TRPM4: variants seen among roughly 807,000 people sequenced by gnomAD.
TRPM4 encodes transient receptor potential cation channel subfamily M member 4, also known as calcium-activated non-selective cation channel 1.
Under a neutral mutation model 135.6 loss-of-function variants are expected in TRPM4, and 124 were observed. The observed-to-expected ratio is 0.91, with a 90% CI of 0.79 to 1.06. The LOEUF (loss-of-function observed/expected upper bound fraction) is 1.06, where lower values mean the gene tolerates loss of function less well. Among genes scored for constraint, TRPM4 ranks in the 50% least tolerant of loss-of-function variants. TRPM4 has a pLI of 0.00. For synonymous variants in TRPM4, 745 were observed against 705.6 expected, an observed-to-expected ratio of 1.06 and a Z score of -0.88; for missense variants, 1,658 against 1,671.4, an observed-to-expected ratio of 0.99 and a Z score of 0.14.
chr19:49,196,443 G>C lies in TRPM4; in HGVS notation c.2214G>C (p.Thr738=). ...CTTCTCTTCTCTTCCCCCACAGGAC[G>C]GCGGACCCAGCCGAGAAGACGCCGC... The part of the protein sequence containing the change: ...SVINGEGPVG[T]ADPAEKTPLG... Residue 738 remains threonine (T), a synonymous_variant, in exon 17 of 25, where the codon ACG becomes ACC. Transcript: ENST00000252826. 6.5e-7 allele frequency: 1 copy of C among 1,540,492 alleles called. No homozygotes were observed. The highest frequency in any genetic ancestry group is 8.7e-7 in the Non-Finnish European group (1 of 1,146,422).
In TRPM4 at chr19:49,193,015, C is replaced by G. The variant is rs557744546; in HGVS notation, c.2210+2242C>G. Among the ~76,000 whole-genome samples, 672 of 151,476 alleles carry G rather than the reference C, an allele frequency of 4.4e-3. 9 individuals carry two copies. The highest frequency in any genetic ancestry group is 5.9e-3 in the Non-Finnish European group (400 of 67,942). ...GTGATGATGATGACGACCTTGATAA[C>G]AGCTGATGTTATGAAACACGTACAA... On this transcript the variant is annotated intron_variant, in intron 16 of 24. Transcript: ENST00000252826.
chr19:49,160,089 G>A (rs1325923341), intron 2 of TRPM4, among the ~76,000 whole-genome samples: 1 of 152,216 alleles, frequency 6.6e-6, no homozygotes, highest in Non-Finnish European at 1.5e-5. Flanking sequence ...GGGAGGAGGT[G>A]TTTGCTTAAG....
intron 2 of TRPM4, among the ~76,000 whole-genome samples, chr19:49,162,941 T>C (rs1356492916): frequency 6.6e-6 from 1 of 151,980 alleles, no homozygotes; most frequent in Non-Finnish European, 1.5e-5. Flanking sequence ...TTTGTATTTT[T>C]AGTAGAAACA....
chr19:49,171,911 G>T lies in TRPM4; in HGVS notation c.1051-98G>T. 2.9e-6 allele frequency: 4 copies of T among 1,371,824 alleles called. No individual in the cohort carries two copies. The highest frequency in any genetic ancestry group is 4.2e-6 in the Non-Finnish European group (4 of 963,046). 85.0% of individuals were successfully genotyped at this position (1,371,824 alleles called of 1,614,324 possible). A position where few individuals can be genotyped will look rare whatever the true frequency, so the allele number is the denominator to read the frequency against. On this transcript the variant is annotated intron_variant, in intron 8 of 24. Coordinates refer to ENST00000252826, the MANE Select transcript of TRPM4 (RefSeq NM_017636.4). The surrounding 1 kb of genome is among the most constrained non-coding windows in gnomAD (Gnocchi z 4.7). ...GGGTGCTGGGCATATAGACTATTAGGTCCTGGAGGGGAATGGCCTCCTCCA... is the reference window on the plus strand; with the variant it reads ...GGGTGCTGGGCATATAGACTATTAGTTCCTGGAGGGGAATGGCCTCCTCCA...
intron 3 of TRPM4, among the ~76,000 whole-genome samples, chr19:49,166,694 CTT>C (rs1343704338): frequency 6.6e-6 from 1 of 150,600 alleles, no homozygotes; most frequent in Non-Finnish European, 1.5e-5. Context: ...GTCCTCATCT[CTT>C]TGGGTCTGTG....
intron 9 of TRPM4, among the ~76,000 whole-genome samples, chr19:49,175,473 T>C (rs893221721): frequency 6.6e-6 from 1 of 151,904 alleles, no homozygotes; most frequent in Admixed American, 6.6e-5. Flanking sequence ...CCTCCCAACG[T>C]GCTGGGATTA....
At chr19:49,158,347 C>T (rs2041559097) in intron 2 of TRPM4, 88 bp downstream of exon 2, 1 of 1,241,370 alleles carries the variant, frequency 8.1e-7, no homozygotes, top group Non-Finnish European at 1.2e-6. Context: ...CCTGCTCCTT[C>T]CCCATTCCTG....
chr19:49,168,381 C>G lies in TRPM4; in HGVS notation c.570C>G (p.Pro190=), dbSNP rs1437546027. 1 of 1,614,082 alleles carries G rather than the reference C, an allele frequency of 6.2e-7. No homozygotes were observed. The highest frequency in any genetic ancestry group is 1.1e-5 in the South Asian group (1 of 91,090). ...AGGTGGTGGCCATGGGTGTGGCCCCCTGGGGTGTGGTCCGGAATAGAGACA... is the reference window on the plus strand; with the variant it reads ...AGGTGGTGGCCATGGGTGTGGCCCCGTGGGGTGTGGTCCGGAATAGAGACA... The part of the protein sequence containing the change: ...GTKVVAMGVA[P]WGVVRNRDTL... The change falls in exon 5 of 25, where the codon CCC becomes CCG. Residue 190 remains proline (P), a synonymous_variant. Transcript: ENST00000252826.
chr19:49,172,054 T>C lies in TRPM4; in HGVS notation c.1096T>C (p.Ser366Pro). 1 of 1,614,102 alleles carries C rather than the reference T, an allele frequency of 6.2e-7. No homozygotes were observed. Among genetic ancestry groups the C allele is most frequent in the South Asian group, 1.1e-5 (1 of 91,084 alleles). Residue 366 changes from serine to proline, a missense_variant, in exon 9 of 25, where the codon TCT becomes CCT. By Grantham distance (74) the Ser-to-Pro change is moderately conservative. Transcript: ENST00000252826. ...TRKELLTVYS[S>P]EDGSEEFETI... ...GAAGGAGCTCCTGACAGTCTATTCT[T>C]CTGAGGATGGGTCTGAGGAATTCGA...
Position 49,200,430 on chromosome 19 carries a change from A to G in TRPM4, c.2776A>G (p.Met926Val), listed in dbSNP as rs1187746752. The change falls in exon 18 of 25, where the codon ATG becomes GTG. Residue 926 changes from methionine (M) to valine (V), a missense_variant and splice_region_variant. This residue lies in a region of TRPM4 where 1,412 missense variants were observed against 1,408.7 expected (regional missense o/e 1.00). Transcript: ENST00000252826. ...LGPKIVIVSK[M>V]MKDVFFFLFF... Reference sequence around the variant, plus strand: ...GCCCAAGATCGTCATCGTGAGCAAGATGGTGAGGCAGGGGCGGGGCCAAAG... The same window carrying G: ...GCCCAAGATCGTCATCGTGAGCAAGGTGGTGAGGCAGGGGCGGGGCCAAAG... 8 of 1,347,624 alleles carry G rather than the reference A, an allele frequency of 5.9e-6. No homozygotes were observed. The highest frequency in any genetic ancestry group is 7.9e-6 in the Non-Finnish European group (8 of 1,008,792). The allele number at this position is 1,347,624 out of a possible 1,614,324, so 83.5% of individuals were successfully genotyped here. A position where few individuals can be genotyped will look rare whatever the true frequency, so the allele number is the denominator to read the frequency against.
At chr19:49,162,792 C>T (rs1331317582) in intron 2 of TRPM4, among the ~76,000 whole-genome samples, 2 of 151,944 alleles carry the variant, frequency 1.3e-5, no homozygotes, top group Non-Finnish European at 2.9e-5. Context: ...GGTGGAGTCT[C>T]GCTCTGTCGC....
In TRPM4 at chr19:49,188,935, C is replaced by T; in HGVS notation, c.1874-11C>T. ...CCCATCCCTGTCACATAACTAACTC[C>T]TCTGCCCCAGACCTCTTTGGCGAGT... On this transcript the variant is annotated splice_polypyrimidine_tract_variant and intron_variant, in intron 13 of 24. Transcript: ENST00000252826. 5.0e-6 allele frequency: 8 copies of T among 1,614,128 alleles called. No individual in the cohort carries two copies. Among genetic ancestry groups the T allele is most frequent in the Non-Finnish European group, 6.8e-6 (8 of 1,180,040 alleles).
At position 49,171,263 on chromosome 19, in the gene TRPM4, C is replaced by A; in HGVS notation, c.797-94C>A. On this transcript the variant is annotated intron_variant, in intron 6 of 24. Transcript: ENST00000252826. The surrounding 1 kb of genome is among the most constrained non-coding windows in gnomAD (Gnocchi z 4.7). ...CTCTGAACAGAAGATTAGGACAAGG[C>A]TGATGTTTGCCGACTCCTGGGAAAT... 7.7e-7 allele frequency: 1 copy of A among 1,299,378 alleles called. No individual in the cohort carries two copies. Among genetic ancestry groups the A allele is most frequent in the Non-Finnish European group, 1.1e-6 (1 of 893,446 alleles). 80.5% of individuals were successfully genotyped at this position (1,299,378 alleles called of 1,614,324 possible).
At position 49,200,597 on chromosome 19, in the gene TRPM4, A is replaced by G. The variant is rs1254858653; in HGVS notation, c.2779-14A>G. ...GGAAAGGGCGGGGCCAGACTCAGCC[A>G]CATCTCCCCACAGATGAAGGACGTG... On this transcript the variant is annotated splice_polypyrimidine_tract_variant and intron_variant, in intron 18 of 24. Transcript: ENST00000252826. 6.2e-7 allele frequency: 1 copy of G among 1,611,384 alleles called. No individual in the cohort carries two copies. The highest frequency in any genetic ancestry group is 1.1e-5 in the South Asian group (1 of 91,078).
chr19:49,210,747 A>T lies in TRPM4; in HGVS notation c.3366A>T (p.Leu1122=), dbSNP rs1387528488. Residue 1122 remains leucine, a synonymous_variant, in exon 22 of 25, where the codon CTA becomes CTT. Transcript: ENST00000252826. This position sits in a 1 kb window ranked among gnomAD's most constrained non-coding sequence, Gnocchi z 4.1. ...CTAAGGAAGCCGAGCGGAAGCTGCT[A>T]ACGTGGGAATCGGTGCATAAGGAGA... ...YLSKEAERKL[L]TWESVHKENF... 6.2e-7 allele frequency: 1 copy of T among 1,614,152 alleles called. No individual in the cohort carries two copies. The highest frequency in any genetic ancestry group is 8.5e-7 in the Non-Finnish European group (1 of 1,180,032).
At chr19:49,196,086 C>G (rs981451736) in intron 16 of TRPM4, among the ~76,000 whole-genome samples, 11 of 151,602 alleles carry the variant, frequency 7.3e-5, no homozygotes, top group East Asian at 3.9e-4. Flanking sequence ...CTCGAACTCC[C>G]TACCTCAGGT....
At chr19:49,167,459 C>T (rs1382462957) in intron 3 of TRPM4, among the ~76,000 whole-genome samples, 1 of 112,862 alleles carries the variant, frequency 8.9e-6, no homozygotes. Context: ...CTCTCTGGGT[C>T]TCTGTCGCCA....
At position 49,168,042 on chromosome 19, in the gene TRPM4, G is replaced by C. The variant is rs172146854; in HGVS notation, c.393G>C (p.Gln131His). The C allele has an allele frequency of 8.1e-6, 13 of 1,612,682 alleles. No homozygotes were observed. The East Asian group carries it at 2.2e-4, about 28-fold the overall frequency. Residue 131 changes from glutamine to histidine, a missense_variant, in exon 4 of 25, where the codon CAG becomes CAC. Around this residue, in one of 3 missense-constraint regions of TRPM4, gnomAD observed 239 missense variants for 240.1 expected, o/e 1.00. Coordinates refer to ENST00000252826, the MANE Select transcript of TRPM4 (RefSeq NM_017636.4). ...VLGGSGGPVLQTWLQDLLRRG... is the reference protein window; with the variant it reads ...VLGGSGGPVLHTWLQDLLRRG... The stretch of plus-strand genomic sequence containing the variant: ...GGGGATCGGGGGGCCCCGTCCTCCA[G>C]ACCTGGCTGCAGGACCTGCTGCGTC...
chr19:49,194,380 A>C (rs963904251), intron 16 of TRPM4, among the ~76,000 whole-genome samples: 1 of 151,898 alleles, frequency 6.6e-6, no homozygotes, highest in African/African-American at 2.4e-5. Context: ...CAGCCTCTCA[A>C]GTAGCTACAG....
Sources: allele counts gnomAD v4.1 joint callset (sites outside exome capture counted in the v4.1 genomes callset), GRCh38; gene constraint gnomAD v4.1.1; regional missense constraint gnomAD v4.1.1; non-coding constraint Gnocchi (gnomAD v3.1); transcripts MANE v1.5; gene names NCBI Gene and HGNC (gene_info 2026-07-23, HGNC 2026-07-21).